Variants in RPH3AL observed in about 807,000 individuals in gnomAD.
The protein encoded by RPH3AL is rab effector Noc2.
In RPH3AL, 38 loss-of-function variants were observed where a neutral mutation model predicts 43.1. The ratio of observed to expected loss-of-function variants is 0.88; its 90% confidence interval spans 0.68 to 1.15. The LOEUF is 1.15. Among genes scored for constraint, RPH3AL ranks in the 50% most tolerant of loss-of-function variants. The pLI, the probability that RPH3AL is intolerant of heterozygous loss-of-function variation, is 0.00. For synonymous variants in RPH3AL, 189 were observed against 176.3 expected (o/e 1.07, Z -0.57); for missense variants, 462 against 423.2 (o/e 1.09, Z -0.81).
At chr17:316,214 A>C (rs1487850600) in intron 5 of RPH3AL, among the ~76,000 whole-genome samples, 3 of 130,588 alleles carry the variant, frequency 2.3e-5, no homozygotes, top group Admixed American at 8.4e-5. Flanking sequence ...CCCCACCTCC[A>C]TTGACCTGTA....
chr17:223,472 C>G (rs8078223), intron 7 of RPH3AL, among the ~76,000 whole-genome samples: 1 of 151,878 alleles, frequency 6.6e-6, no homozygotes, highest in Non-Finnish European at 1.5e-5. Flanking sequence ...GCTCTTATGC[C>G]AGGCACTTTG....
intron 5 of RPH3AL, among the ~76,000 whole-genome samples, chr17:314,211 C>A (rs1014714110): frequency 6.6e-6 from 1 of 152,194 alleles, no homozygotes; most frequent in Non-Finnish European, 1.5e-5. Context: ...GGATCTGTGC[C>A]TCTTCATGGT....
intron 1 of RPH3AL, among the ~76,000 whole-genome samples, chr17:343,906 G>A (rs919841822): frequency 1.5e-5 from 2 of 129,812 alleles, no homozygotes; most frequent in African/African-American, 5.6e-5. Context: ...TCAGGGTAGG[G>A]CCATCATGGC....
intron 6 of RPH3AL, 72 bp downstream of exon 6, chr17:281,696 C>T (rs1311602570): frequency 1.6e-5 from 14 of 865,838 alleles, no homozygotes; most frequent in Admixed American, 1.3e-4. Flanking sequence ...TCACCCTGAC[C>T]GTCCACCCAT....
intron 2 of RPH3AL, chr17:331,286 C>CAGAA (rs1567529914): frequency 0.012 from 806 of 69,224 alleles, 4 homozygotes; most frequent in African/African-American, 0.045. Flanking sequence ...TGAAGGGAGA[C>CAGAA]GGAAAGAGCC....
At chr17:251,083 T>C (rs781873034) in intron 6 of RPH3AL, among the ~76,000 whole-genome samples, 1 of 152,198 alleles carries the variant, frequency 6.6e-6, no homozygotes, top group Non-Finnish European at 1.5e-5. Flanking sequence ...CACCTCCTTA[T>C]GCTCACAGTG....
chr17:314,902 C>T (rs1555518470), intron 5 of RPH3AL, among the ~76,000 whole-genome samples: 37 of 150,212 alleles, frequency 2.5e-4, no homozygotes, highest in African/African-American at 8.6e-4. Flanking sequence ...GCTCCACCTC[C>T]ATTGACCAGT....
At chr17:244,610 G>A (rs931138809) in intron 7 of RPH3AL, among the ~76,000 whole-genome samples, 16 of 152,134 alleles carry the variant, frequency 1.1e-4, no homozygotes, top group Non-Finnish European at 5.9e-5. Context: ...GAGGAGCAGC[G>A]TCTGGTGAGA....
chr17:317,984 C>T (rs1284189258), intron 5 of RPH3AL, among the ~76,000 whole-genome samples: 1 of 142,026 alleles, frequency 7.0e-6, no homozygotes, highest in South Asian at 2.5e-4. Context: ...TTCCTGACAT[C>T]ATCTTGTTTA....
At chr17:294,625 T>G (rs1180667000) in intron 5 of RPH3AL, among the ~76,000 whole-genome samples, 1 of 61,568 alleles carries the variant, frequency 1.6e-5, no homozygotes, top group Non-Finnish European at 3.2e-5. Context: ...GGGACACAGA[T>G]GCTGCAGAAA....
At chr17:244,804 G>A (rs75336375) in intron 7 of RPH3AL, among the ~76,000 whole-genome samples, 5,185 of 152,290 alleles carry the variant, frequency 0.034, 123 homozygotes, top group South Asian at 0.092. Flanking sequence ...GGGGGGCTCT[G>A]CTCCTCCCCA....
In RPH3AL at chr17:245,054, T is replaced by C. The variant is rs972407459; in HGVS notation, c.613+2057A>G. Among the ~76,000 whole-genome samples, 3 of 146,760 alleles carry C rather than the reference T, an allele frequency of 2.0e-5. No homozygotes were observed. The highest frequency in any genetic ancestry group is 3.0e-5 in the Non-Finnish European group (2 of 67,006). On this transcript the variant is annotated intron_variant, in intron 7 of 9. Coordinates refer to ENST00000331302, the MANE Select transcript of RPH3AL (RefSeq NM_006987.4). This position sits in a 1 kb window ranked among gnomAD's most constrained non-coding sequence, Gnocchi z 5.9. ...TGTGGATGTGAGCACTATGTGTGCA[T>C]GTGGATGTGTGTGCATAAATGTGCA... is the stretch of plus-strand genomic sequence containing the variant.
intron 5 of RPH3AL, among the ~76,000 whole-genome samples, chr17:297,182 C>T (rs977462943): frequency 1.3e-5 from 2 of 152,240 alleles, no homozygotes; most frequent in Non-Finnish European, 2.9e-5. Context: ...GGGGAGGCCC[C>T]AGAGGGGATC....
intron 5 of RPH3AL, among the ~76,000 whole-genome samples, chr17:307,860 G>C (rs866184858): frequency 3.9e-5 from 6 of 152,188 alleles, no homozygotes; most frequent in Middle Eastern, 3.2e-3. Context: ...AAGAGAAAAG[G>C]AGGCCTCAAT....
intron 6 of RPH3AL, among the ~76,000 whole-genome samples, chr17:270,544 T>G (rs185864260): frequency 1.4e-3 from 209 of 152,204 alleles, no homozygotes; most frequent in African/African-American, 4.9e-3. Context: ...ATAAGTGAGT[T>G]GGAGAGGATT....
intron 5 of RPH3AL, among the ~76,000 whole-genome samples, chr17:293,335 C>T (rs888689874): frequency 2.6e-5 from 4 of 152,244 alleles, no homozygotes; most frequent in Admixed American, 2.6e-4. Flanking sequence ...TGACTATTAA[C>T]ATTCACAGAG....
intron 7 of RPH3AL, among the ~76,000 whole-genome samples, chr17:231,819 C>T (rs942117738): frequency 6.6e-6 from 1 of 152,248 alleles, no homozygotes; most frequent in Non-Finnish European, 1.5e-5. Flanking sequence ...CATTGGGTCT[C>T]GGGCAAATTA....
chr17:282,955 C>T (rs569269770), intron 5 of RPH3AL, among the ~76,000 whole-genome samples: 2 of 152,326 alleles, frequency 1.3e-5, no homozygotes, highest in African/African-American at 4.8e-5. Flanking sequence ...ACAGTTCTTA[C>T]GTTGCTTCCC....
intron 5 of RPH3AL, among the ~76,000 whole-genome samples, chr17:316,493 C>G (rs1182716043): frequency 1.0e-4 from 15 of 150,662 alleles, no homozygotes; most frequent in Admixed American, 3.3e-4. Context: ...CCTCCACTGA[C>G]CTGTAGTCTC....
Sources: gnomAD v4.1 joint callset for allele counts (sites outside exome capture counted in the v4.1 genomes callset) on GRCh38, gnomAD v4.1.1 for gene constraint, Gnocchi (gnomAD v3.1) non-coding constraint, MANE v1.5 for transcripts, NCBI Gene and HGNC (gene_info 2026-07-23, HGNC 2026-07-21) for gene names.